TEX48: variants seen among roughly 807,000 people sequenced by gnomAD.
The protein encoded by TEX48 is testis-expressed protein 48.
A neutral mutation model predicts 13.2 loss-of-function variants in TEX48; 10 were observed. That is an observed-to-expected ratio of 0.75 (90% CI 0.47 to 1.28). TEX48 has a LOEUF of 1.28. Ranked by LOEUF, TEX48 falls within the 50% of genes most tolerant of loss-of-function variation. The probability of loss-of-function intolerance (pLI) is 0.00; values close to 1 mark genes in which losing one functional copy is unlikely to be tolerated. For missense variants in TEX48, 116 were observed against 139.4 expected, an observed-to-expected ratio of 0.83 and a Z score of 0.84; for synonymous variants, 45 against 52.3, an observed-to-expected ratio of 0.86 and a Z score of 0.60.
chr9:114,668,475 C>T lies in TEX48; in HGVS notation c.128-138G>A, dbSNP rs887097813. ...GGGGTGGGGGTGTACCTGAAACTAC[C>T]ACCTCCTGTCCTCTGAGGGCTTCCC... is the stretch of plus-strand genomic sequence containing the variant. On this transcript the variant is annotated intron_variant, in intron 3 of 4. Coordinates refer to ENST00000436752, the MANE Select transcript of TEX48 (RefSeq NM_001199233.2). 9 of 684,180 alleles carry T rather than the reference C, an allele frequency of 1.3e-5. No individual in the cohort carries two copies. The African/African-American group carries it at 1.4e-4, about 11-fold the overall frequency. 42.4% of individuals were successfully genotyped at this position (684,180 alleles called of 1,614,324 possible). A position where few individuals can be genotyped will look rare whatever the true frequency, so the allele number is the denominator to read the frequency against.
At chr9:114,680,825 A>C (rs2133769981) in intron 1 of TEX48, among the ~76,000 whole-genome samples, 1 of 152,336 alleles carries the variant, frequency 6.6e-6, no homozygotes, top group East Asian at 1.9e-4. Context: ...TCCCTTGGTA[A>C]CCATTCTAAC....
intron 3 of TEX48, among the ~76,000 whole-genome samples, chr9:114,670,407 G>A (rs776957567): frequency 4.6e-5 from 7 of 151,952 alleles, no homozygotes; most frequent in Non-Finnish European, 8.8e-5. Flanking sequence ...CTCTCAGTGG[G>A]ACTCTGCCAC....
Position 114,676,773 on chromosome 9 carries a change from C to T in TEX48, c.-104-4946G>A, listed in dbSNP as rs998252529. ...CTGGGACTACAGGCACCTGCCACCA[C>T]GCCTGGCTAATTTTTTGTATTTTTA... is the stretch of plus-strand genomic sequence containing the variant. On this transcript the variant is annotated intron_variant, in intron 1 of 4. Transcript: ENST00000436752. Among the ~76,000 whole-genome samples, 36 of 152,176 alleles carry T rather than the reference C, an allele frequency of 2.4e-4. 1 individual carries two copies. Among genetic ancestry groups the T allele is most frequent in the South Asian group, 2.1e-4 (1 of 4,824 alleles).
At chr9:114,674,644 TCCTTCCTTCCTTCCTTCCTTCC>T (rs1828025299) in intron 1 of TEX48, among the ~76,000 whole-genome samples, 1 of 134,968 alleles carries the variant, frequency 7.4e-6, no homozygotes, top group African/African-American at 3.0e-5. Context: ...CTTCCTTCCT[TCCTTCCTTCCTTCCTTCCTTCC>T]TTCTTTCCTT....
intron 1 of TEX48, among the ~76,000 whole-genome samples, chr9:114,677,863 A>G (rs16930798): frequency 0.13 from 19,049 of 151,816 alleles, 1,399 homozygotes; most frequent in East Asian, 0.2. Flanking sequence ...AAGACACTGC[A>G]CAAGTAGAAA....
intron 1 of TEX48, among the ~76,000 whole-genome samples, chr9:114,679,254 TA>T (rs1828138850): frequency 6.9e-6 from 1 of 145,350 alleles, no homozygotes; most frequent in Non-Finnish European, 1.5e-5. Context: ...CCAAGAGTCC[TA>T]AAATGTTAAC....
Position 114,666,628 on chromosome 9 carries a change from C to G in TEX48, c.*15G>C. 6.9e-7 allele frequency: 1 copy of G among 1,450,468 alleles called. No individual in the cohort carries two copies. The highest frequency in any genetic ancestry group is 9.3e-7 in the Non-Finnish European group (1 of 1,077,292). 89.8% of individuals were successfully genotyped at this position (1,450,468 alleles called of 1,614,324 possible). On this transcript the variant is annotated 3_prime_UTR_variant, in exon 5 of 5. Transcript: ENST00000436752. Reference sequence around the variant, plus strand: ...GGAGATGCCCCAGCAGCTGTGCAGCCGCCGGCTAGAATGCTCAGGGCCTCC... The same window carrying G: ...GGAGATGCCCCAGCAGCTGTGCAGCGGCCGGCTAGAATGCTCAGGGCCTCC...
Position 114,666,451 on chromosome 9 carries a change from C to T in TEX48, c.*192G>A. On this transcript the variant is annotated 3_prime_UTR_variant, in exon 5 of 5. Transcript: ENST00000436752. ...ACACATCCTCTGGTGCAATCAAGAA[C>T]TTTAATTGGAGGCAGCTCTTCCCAT... is the stretch of plus-strand genomic sequence containing the variant. The T allele has an allele frequency of 2.0e-6, 1 of 498,210 alleles. No individual in the cohort carries two copies. Among genetic ancestry groups the T allele is most frequent in the Non-Finnish European group, 3.5e-6 (1 of 285,284 alleles). The allele number at this position is 498,210 out of a possible 1,614,324, so 30.9% of individuals were successfully genotyped here. A position where few individuals can be genotyped will look rare whatever the true frequency, so the allele number is the denominator to read the frequency against.
chr9:114,680,119 CCCTTTTTTT>C (rs1828160517), intron 1 of TEX48, among the ~76,000 whole-genome samples: 5 of 40,286 alleles, frequency 1.2e-4, no homozygotes. Flanking sequence ...TTGTCATTGT[CCCTTTTTTT>C]TTTTTTTTTT....
chr9:114,678,190 TTACTC>T (rs146734516), intron 1 of TEX48, among the ~76,000 whole-genome samples: 10,265 of 152,202 alleles, frequency 0.067, 433 homozygotes, highest in African/African-American at 0.12. Flanking sequence ...GACCTTACTC[TTACTC>T]AAACCTTCTG....
At chr9:114,671,342 G>A in intron 3 of TEX48, 41 bp downstream of exon 3, 1 of 1,531,762 alleles carries the variant, frequency 6.5e-7, no homozygotes, top group Admixed American at 2.0e-5. Context: ...GCAAAGTGAG[G>A]TTTAGAGAGG....
chr9:114,673,208 C>T (rs1373768488), intron 1 of TEX48, among the ~76,000 whole-genome samples: 2 of 152,144 alleles, frequency 1.3e-5, no homozygotes, highest in Non-Finnish European at 2.9e-5. Context: ...CGCGGTGGCT[C>T]ATGCCTGTAA....
intron 1 of TEX48, among the ~76,000 whole-genome samples, chr9:114,677,654 C>A (rs1245567272): frequency 6.6e-6 from 1 of 152,116 alleles, no homozygotes; most frequent in African/African-American, 2.4e-5. Flanking sequence ...TGGAGTTTTA[C>A]TGGAGTGGTA....
In TEX48 at chr9:114,671,460, C is replaced by T; in HGVS notation, c.50G>A (p.Arg17Lys). Residue 17 changes from arginine to lysine, a missense_variant, in exon 3 of 5, where the codon AGG (arginine) becomes AAG (lysine). Arg to Lys is a conservative substitution (Grantham distance 26). Transcript: ENST00000436752. ...LILKIFCLCC[R>K]DCQEPYAIND... ...GATGGCATAGGGCTCCTGACAGTCC[C>T]TGCAGCATAAACAGAAGATCTTCAA... 6.5e-7 allele frequency: 1 copy of T among 1,535,536 alleles called. No homozygotes were observed. Among genetic ancestry groups the T allele is most frequent in the Non-Finnish European group, 8.7e-7 (1 of 1,146,862 alleles).
intron 1 of TEX48, among the ~76,000 whole-genome samples, chr9:114,678,667 T>C (rs1438493887): frequency 2.0e-5 from 3 of 151,904 alleles, no homozygotes; most frequent in Admixed American, 2.0e-4. Flanking sequence ...CTGGACAACA[T>C]ACCTCATCTC....
At chr9:114,671,249 C>T in intron 3 of TEX48, 134 bp downstream of exon 3, 1 of 1,071,994 alleles carries the variant, frequency 9.3e-7, no homozygotes, top group Non-Finnish European at 1.3e-6. Context: ...AGCCATCCAA[C>T]ACCCACCTCA....
chr9:114,675,571 A>C (rs2133764439), intron 1 of TEX48, among the ~76,000 whole-genome samples: 1 of 152,292 alleles, frequency 6.6e-6, no homozygotes, highest in Non-Finnish European at 1.5e-5. Context: ...CCTTCACCGT[A>C]GTGTAAGCCA....
At position 114,666,612 on chromosome 9, in the gene TEX48, C is replaced by A; in HGVS notation, c.*31G>T. 1 of 1,308,160 alleles carries A rather than the reference C, an allele frequency of 7.6e-7. No homozygotes were observed. The highest frequency in any genetic ancestry group is 1.0e-6 in the Non-Finnish European group (1 of 953,760). The allele number at this position is 1,308,160 out of a possible 1,614,324, so 81.0% of individuals were successfully genotyped here. ...CCGCCCTCTTCCTCATGGAGATGCCCCAGCAGCTGTGCAGCCGCCGGCTAG... is the reference window on the plus strand; with the variant it reads ...CCGCCCTCTTCCTCATGGAGATGCCACAGCAGCTGTGCAGCCGCCGGCTAG... On this transcript the variant is annotated 3_prime_UTR_variant, in exon 5 of 5. Transcript: ENST00000436752.
intron 1 of TEX48, among the ~76,000 whole-genome samples, chr9:114,673,690 G>T (rs1827994315): frequency 6.6e-6 from 1 of 152,000 alleles, no homozygotes; most frequent in South Asian, 2.1e-4. Context: ...TTTGTCTTTA[G>T]AAGGCCCAGG....
Sources: gnomAD v4.1 joint callset for allele counts (sites outside exome capture counted in the v4.1 genomes callset) on GRCh38, gnomAD v4.1.1 for gene constraint, MANE v1.5 for transcripts, NCBI Gene and HGNC (gene_info 2026-07-23, HGNC 2026-07-21) for gene names.